Variants in F13A1 observed in about 807,000 individuals in gnomAD.
F13A1 encodes coagulation factor XIII A chain, also known as FSF, A subunit.
F13A1 carries 47 observed loss-of-function variants against 80.1 expected under a neutral mutation model. The ratio of observed to expected loss-of-function variants is 0.59; its 90% confidence interval spans 0.46 to 0.75. The LOEUF (loss-of-function observed/expected upper bound fraction) is 0.75. Ranked by LOEUF, F13A1 falls within the 30% of genes least tolerant of loss-of-function variation. F13A1 has a pLI of 0.00. For synonymous variants in F13A1, 349 were observed against 344.9 expected, an observed-to-expected ratio of 1.01 and a Z score of -0.13; for missense variants, 817 against 930.4, an observed-to-expected ratio of 0.88 and a Z score of 1.59.
At chr6:6,253,162 A>AAAG (rs1275811907) in intron 4 of F13A1, among the ~76,000 whole-genome samples, 15 of 106,342 alleles carry the variant, frequency 1.4e-4, no homozygotes, top group East Asian at 4.4e-4. Flanking sequence ...AAAAAAAAAA[A>AAAG]AGAGAGAGAG....
chr6:6,216,428 AG>A (rs2113046794), intron 8 of F13A1, among the ~76,000 whole-genome samples: 1 of 149,876 alleles, frequency 6.7e-6, no homozygotes, highest in Non-Finnish European at 1.5e-5. Flanking sequence ...CAATGGGGAA[AG>A]GATTCCCTAT....
intron 3 of F13A1, among the ~76,000 whole-genome samples, chr6:6,289,121 A>T (rs1382488841): frequency 6.6e-6 from 1 of 152,200 alleles, no homozygotes; most frequent in Non-Finnish European, 1.5e-5. Flanking sequence ...TTTAACCCAT[A>T]AATGGCTGTT....
At chr6:6,315,464 G>A (rs1383131797) in intron 2 of F13A1, among the ~76,000 whole-genome samples, 2 of 151,996 alleles carry the variant, frequency 1.3e-5, no homozygotes, top group African/African-American at 4.8e-5. Flanking sequence ...TGAATATCAT[G>A]GTGTGTATGA....
chr6:6,195,725 C>T, intron 10 of F13A1, 72 bp downstream of exon 10: 1 of 1,421,958 alleles, frequency 7.0e-7, no homozygotes, highest in Non-Finnish European at 9.8e-7. Context: ...GAAACAACAA[C>T]TTTTAGCTTA....
At chr6:6,204,080 A>G (rs1761444462) in intron 8 of F13A1, among the ~76,000 whole-genome samples, 1 of 152,174 alleles carries the variant, frequency 6.6e-6, no homozygotes, top group Non-Finnish European at 1.5e-5. Context: ...TGGACAGAGA[A>G]CACAGCTGAG....
intron 4 of F13A1, among the ~76,000 whole-genome samples, chr6:6,251,141 T>G (rs184687307): frequency 1.3e-5 from 2 of 152,332 alleles, no homozygotes; most frequent in Non-Finnish European, 2.9e-5. Context: ...AATGATGACA[T>G]TTGTTAGCAA....
In F13A1 at chr6:6,250,947, C is replaced by G. The variant is rs942318321; in HGVS notation, c.572-18G>C. 8 of 1,516,966 alleles carry G rather than the reference C, an allele frequency of 5.3e-6. No homozygotes were observed. The African/African-American group carries it at 1.1e-4, about 21-fold the overall frequency. 94.0% of individuals were successfully genotyped at this position (1,516,966 alleles called of 1,614,324 possible). The stretch of plus-strand genomic sequence containing the variant: ...AGCATCATCTGCATCAGGGTTTAAA[C>G]ATAGTGACTATTACCAAACCAGACT... On this transcript the variant is annotated intron_variant, in intron 4 of 14. Coordinates refer to ENST00000264870, the MANE Select transcript of F13A1 (RefSeq NM_000129.4). The surrounding 1 kb of genome is among the most constrained non-coding windows in gnomAD (Gnocchi z 4.2).
chr6:6,303,697 G>T (rs1447154472), intron 3 of F13A1, among the ~76,000 whole-genome samples: 3 of 152,136 alleles, frequency 2.0e-5, no homozygotes, highest in African/African-American at 7.2e-5. Flanking sequence ...GACTAAAAAT[G>T]TATACAGAAA....
At chr6:6,187,132 A>G (rs915123585) in intron 10 of F13A1, among the ~76,000 whole-genome samples, 3 of 125,806 alleles carry the variant, frequency 2.4e-5, no homozygotes, top group Non-Finnish European at 3.4e-5. Flanking sequence ...GGGCTGAGAC[A>G]ATGGGGTTTT....
chr6:6,184,440 A>G (rs1177402110), intron 10 of F13A1, among the ~76,000 whole-genome samples: 2 of 152,244 alleles, frequency 1.3e-5, no homozygotes, highest in African/African-American at 4.8e-5. Context: ...GCCCCTCAGC[A>G]GAGCAGCCAG....
intron 4 of F13A1, among the ~76,000 whole-genome samples, chr6:6,263,433 G>A (rs1432554372): frequency 6.6e-6 from 1 of 152,122 alleles, no homozygotes; most frequent in Non-Finnish European, 1.5e-5. Context: ...CTGGCTCTGG[G>A]CTCTTTTGAT....
Position 6,162,744 on chromosome 6 carries a change from G to GT in F13A1, c.1908+4713dup, listed in dbSNP as rs1218206297. On this transcript the variant is annotated intron_variant, in intron 13 of 14. Coordinates refer to ENST00000264870, the MANE Select transcript of F13A1 (RefSeq NM_000129.4). The surrounding 1 kb of genome is among the most constrained non-coding windows in gnomAD (Gnocchi z 4.2). ...AACTCACAAGGACCCCAGGAGGAGAGTTACCATTGCTTTTGACTTACAGAT... is the reference window on the plus strand; with the variant it reads ...AACTCACAAGGACCCCAGGAGGAGAGTTTACCATTGCTTTTGACTTACAGAT... 2.5e-4 allele frequency among the ~76,000 whole-genome samples: 38 copies of GT among 152,334 alleles called. No individual in the cohort carries two copies. In the East Asian group the frequency reaches 6.9e-3, roughly 28 times the overall value.
intron 7 of F13A1, among the ~76,000 whole-genome samples, chr6:6,223,881 A>T (rs1757235719): frequency 6.6e-6 from 1 of 152,196 alleles, no homozygotes; most frequent in Non-Finnish European, 1.5e-5. Flanking sequence ...ACTTGAGCTT[A>T]ATGTTTCTCC....
At chr6:6,217,497 G>C (rs1425922318) in intron 8 of F13A1, among the ~76,000 whole-genome samples, 1 of 138,250 alleles carries the variant, frequency 7.2e-6, no homozygotes, top group Non-Finnish European at 1.5e-5. Flanking sequence ...ATGGACACAG[G>C]AAGGGGAACA....
At chr6:6,259,804 G>A (rs181362298) in intron 4 of F13A1, among the ~76,000 whole-genome samples, 34 of 152,246 alleles carry the variant, frequency 2.2e-4, no homozygotes, top group African/African-American at 7.7e-4. Context: ...AATGGAATGG[G>A]GGAACAACTT....
At chr6:6,314,281 T>G (rs1166327569) in intron 2 of F13A1, among the ~76,000 whole-genome samples, 2 of 151,906 alleles carry the variant, frequency 1.3e-5, no homozygotes, top group Non-Finnish European at 2.9e-5. Flanking sequence ...TGCCCAGCCC[T>G]CCCTACCACT....
rs1561691333 is a variant in F13A1 at position 6,320,590 on chromosome 6, C to T, written c.-22G>A. On this transcript the variant is annotated 5_prime_UTR_variant, in exon 1 of 15. Transcript: ENST00000264870. ...GGGTGCAGGGTCGGTGGCTTACCTG[C>T]AGGCGCTCCCCTCCAGAGGTGCCCT... 2.1e-6 allele frequency: 1 copy of T among 468,718 alleles called. No homozygotes were observed. The highest frequency in any genetic ancestry group is 1.6e-5 in the South Asian group (1 of 64,184). 29.0% of individuals were successfully genotyped at this position (468,718 alleles called of 1,614,324 possible).
At chr6:6,311,222 C>T (rs1009478594) in intron 2 of F13A1, among the ~76,000 whole-genome samples, 3 of 152,054 alleles carry the variant, frequency 2.0e-5, no homozygotes, top group Non-Finnish European at 2.9e-5. Context: ...ACACCTTTTA[C>T]GTGAAAATTT....
chr6:6,177,489 C>T (rs1483813467), intron 11 of F13A1, among the ~76,000 whole-genome samples: 2 of 152,202 alleles, frequency 1.3e-5, no homozygotes, highest in Non-Finnish European at 1.5e-5. Flanking sequence ...GCCCTGAAAC[C>T]CAGCCTGGCA....
Sources: allele counts gnomAD v4.1 joint callset (sites outside exome capture counted in the v4.1 genomes callset), GRCh38; gene constraint gnomAD v4.1.1; non-coding constraint Gnocchi (gnomAD v3.1); transcripts MANE v1.5; gene names NCBI Gene and HGNC (gene_info 2026-07-23, HGNC 2026-07-21).